Variants in STEAP1B observed in about 807,000 individuals in gnomAD.
The protein encoded by STEAP1B is STEAP family protein MGC87042.
In STEAP1B, 13 loss-of-function variants were observed where a neutral mutation model predicts 27.9. That is an observed-to-expected ratio of 0.47 (90% CI 0.30 to 0.74). STEAP1B has a LOEUF of 0.74. Ranked by LOEUF, STEAP1B falls within the 30% of genes least tolerant of loss-of-function variation. The pLI is 0.06. For missense variants in STEAP1B, 250 were observed against 298.7 expected, an observed-to-expected ratio of 0.84 and a Z score of 1.20; for synonymous variants, 86 against 107.1, an observed-to-expected ratio of 0.80 and a Z score of 1.22.
At chr7:22,498,811 CAA>C (rs34689549) in intron 1 of STEAP1B, among the ~76,000 whole-genome samples, 24,395 of 148,788 alleles carry the variant, frequency 0.16, 2,316 homozygotes, top group Non-Finnish European at 0.22. Flanking sequence ...ATTGCCACTA[CAA>C]AGAGTCTGGG....
chr7:22,447,181 C>T (rs1036196651), intron 4 of STEAP1B, among the ~76,000 whole-genome samples: 2 of 152,172 alleles, frequency 1.3e-5, no homozygotes, highest in African/African-American at 4.8e-5. Context: ...TCTTCTGGGA[C>T]ATCACTGATG....
chr7:22,450,643 G>T, intron 4 of STEAP1B, among the ~76,000 whole-genome samples: 1 of 137,000 alleles, frequency 7.3e-6, no homozygotes, highest in Non-Finnish European at 1.6e-5. Flanking sequence ...TGGGTCTTTT[G>T]TGGTTCCATA....
chr7:22,497,119 G>T (rs1402131814), intron 1 of STEAP1B, among the ~76,000 whole-genome samples: 3 of 152,152 alleles, frequency 2.0e-5, no homozygotes, highest in Admixed American at 2.0e-4. Context: ...ACAGAAGTGG[G>T]TATATGACTC....
At chr7:22,425,526 C>T (rs1464811030) in intron 4 of STEAP1B, among the ~76,000 whole-genome samples, 2 of 152,146 alleles carry the variant, frequency 1.3e-5, no homozygotes, top group Non-Finnish European at 2.9e-5. Context: ...TGAAGCAAAA[C>T]TGATTGACTG....
intron 4 of STEAP1B, among the ~76,000 whole-genome samples, chr7:22,449,310 C>T (rs2128403972): frequency 6.6e-6 from 1 of 152,338 alleles, no homozygotes; most frequent in East Asian, 1.9e-4. Context: ...CCTTCCCAGC[C>T]TCTGGTAACC....
At chr7:22,499,842 G>A (rs565232130) in intron 1 of STEAP1B, among the ~76,000 whole-genome samples, 1 of 152,308 alleles carries the variant, frequency 6.6e-6, no homozygotes, top group African/African-American at 2.4e-5. Flanking sequence ...ACAACCTTAA[G>A]CCCCTAGCGA....
intron 4 of STEAP1B, among the ~76,000 whole-genome samples, chr7:22,475,285 C>A (rs574778473): frequency 6.6e-6 from 1 of 152,322 alleles, no homozygotes; most frequent in East Asian, 1.9e-4. Flanking sequence ...CAGTCACATC[C>A]GCCTGGAGTC....
At chr7:22,464,123 C>T (rs28449173) in intron 4 of STEAP1B, among the ~76,000 whole-genome samples, 23,117 of 152,200 alleles carry the variant, frequency 0.15, 1,814 homozygotes, top group Non-Finnish European at 0.17. Context: ...ATTCAGCTGA[C>T]AGTGTTGTTC....
chr7:22,464,089 T>C (rs895774162), intron 4 of STEAP1B, among the ~76,000 whole-genome samples: 1 of 152,362 alleles, frequency 6.6e-6, no homozygotes, highest in East Asian at 1.9e-4. Flanking sequence ...GAATCTACAA[T>C]GATTGAACTC....
chr7:22,476,407 T>C (rs755519439), intron 4 of STEAP1B, among the ~76,000 whole-genome samples: 28 of 151,864 alleles, frequency 1.8e-4, no homozygotes, highest in Non-Finnish European at 3.1e-4. Context: ...AGCCCAGGGG[T>C]GGTGGGCTGG....
chr7:22,483,332 G>A (rs1786119331), intron 4 of STEAP1B, among the ~76,000 whole-genome samples: 1 of 152,154 alleles, frequency 6.6e-6, no homozygotes, highest in South Asian at 2.1e-4. Context: ...ATATGGATGA[G>A]GGGTACAGGC....
chr7:22,423,973 G>C (rs1277068771), intron 4 of STEAP1B, among the ~76,000 whole-genome samples: 1 of 152,156 alleles, frequency 6.6e-6, no homozygotes, highest in Non-Finnish European at 1.5e-5. Flanking sequence ...AGGCTGCAGT[G>C]AGCCGTGATC....
intron 4 of STEAP1B, among the ~76,000 whole-genome samples, chr7:22,441,781 T>C (rs1250338714): frequency 1.3e-5 from 2 of 152,256 alleles, no homozygotes; most frequent in Admixed American, 1.3e-4. Flanking sequence ...CCAGACGTAC[T>C]CTTACACCCC....
In STEAP1B at chr7:22,469,647, T is replaced by A. The variant is rs183620842; in HGVS notation, c.762+22918A>T. On this transcript the variant is annotated intron_variant, in intron 4 of 4. Transcript: ENST00000678116. ...TGATACAGCTGCCTACAGTATTCAA[T>A]AGAGTAGCATGCTCAACAGATTTGT... 1.2e-4 allele frequency among the ~76,000 whole-genome samples: 18 copies of A among 152,338 alleles called. No homozygotes were observed. The East Asian group carries it at 2.9e-3, about 24-fold the overall frequency.
chr7:22,424,716 TA>T (rs1785084832), intron 4 of STEAP1B, among the ~76,000 whole-genome samples: 1 of 152,256 alleles, frequency 6.6e-6, no homozygotes. Context: ...GTATTTATAA[TA>T]ATAAATAATA....
At chr7:22,466,935 A>T (rs1785794676) in intron 4 of STEAP1B, among the ~76,000 whole-genome samples, 1 of 152,208 alleles carries the variant, frequency 6.6e-6, no homozygotes, top group African/African-American at 2.4e-5. Flanking sequence ...AAATGGGGAC[A>T]ATAGCAACAC....
chr7:22,474,892 C>T (rs947648933), intron 4 of STEAP1B, among the ~76,000 whole-genome samples: 2 of 152,202 alleles, frequency 1.3e-5, no homozygotes, highest in South Asian at 2.1e-4. Context: ...GCTGTGTGAA[C>T]ATTTGCCCAC....
intron 4 of STEAP1B, among the ~76,000 whole-genome samples, chr7:22,477,759 T>C (rs1370554805): frequency 2.0e-5 from 3 of 152,156 alleles, no homozygotes; most frequent in Non-Finnish European, 4.4e-5. Context: ...TCTTGTGTAA[T>C]CCAATGTGTC....
rs147488614 is a variant in STEAP1B at position 22,468,008 on chromosome 7, T to C, written c.762+24557A>G. Reference sequence around the variant, plus strand: ...TAAAATATCAGATAAATAAAATATTTCGTATGAAGATATCCCATGTAATAC... The same window carrying C: ...TAAAATATCAGATAAATAAAATATTCCGTATGAAGATATCCCATGTAATAC... On this transcript the variant is annotated intron_variant, in intron 4 of 4. Coordinates refer to ENST00000678116, the MANE Select transcript of STEAP1B (RefSeq NM_001382447.1). Among the ~76,000 whole-genome samples the C allele has an allele frequency of 9.1e-4, 138 of 152,318 alleles. No individual in the cohort carries two copies. The East Asian group carries it at 9.3e-3, about 10-fold the overall frequency.
Sources: allele counts gnomAD v4.1 joint callset (sites outside exome capture counted in the v4.1 genomes callset), GRCh38; gene constraint gnomAD v4.1.1; transcripts MANE v1.5; gene names NCBI Gene and HGNC (gene_info 2026-07-23, HGNC 2026-07-21).